Variants in MCM3 observed in about 807,000 individuals in gnomAD.
MCM3 encodes DNA replication licensing factor MCM3.
In MCM3, 59 loss-of-function variants were observed where a neutral mutation model predicts 91.3. The ratio of observed to expected loss-of-function variants is 0.65; its 90% CI spans 0.52 to 0.80. MCM3 has a LOEUF of 0.80. Among genes scored for constraint, MCM3 ranks in the 30% least tolerant of loss-of-function variants. The pLI is 0.00. For synonymous variants in MCM3, 383 were observed against 379.6 expected, an observed-to-expected ratio of 1.01 and a Z score of -0.10; for missense variants, 919 against 1,035.4, an observed-to-expected ratio of 0.89 and a Z score of 1.54.
chr6:52,268,702 CT>C (rs1425750496), intron 13 of MCM3, among the ~76,000 whole-genome samples: 2 of 152,052 alleles, frequency 1.3e-5, no homozygotes, highest in African/African-American at 2.4e-5. Context: ...TTTGAAGAGA[CT>C]ACCAAGAGGA....
At chr6:52,282,624 T>C in intron 3 of MCM3, 29 bp downstream of exon 3, 1 of 1,604,640 alleles carries the variant, frequency 6.2e-7, no homozygotes, top group Non-Finnish European at 8.5e-7. Context: ...TCTATTCATT[T>C]CCTAAGCGGC....
chr6:52,278,764 T>C lies in MCM3; in HGVS notation c.857A>G (p.Lys286Arg). The C allele has an allele frequency of 6.2e-7, 1 of 1,613,574 alleles. No individual in the cohort carries two copies. The highest frequency in any genetic ancestry group is 8.5e-7 in the Non-Finnish European group (1 of 1,179,666). The change falls in exon 6 of 17, where the codon AAG (lysine) becomes AGG (arginine). Residue 286 changes from lysine (K) to arginine (R), a missense_variant. Around this residue, in one of 3 missense-constraint regions of MCM3, gnomAD observed 401 missense variants for 402.7 expected, o/e 1.00. Transcript: ENST00000596288. ...FSAEDIAKIK[K>R]FSKTRSKDIF... ...GACCTTGGATCGGGTTTTACTGAAC[T>C]TCTTGATCTTGGCTATATCCTCAGC...
chr6:52,278,134 T>C (rs1473573951), intron 6 of MCM3, among the ~76,000 whole-genome samples: 2 of 150,826 alleles, frequency 1.3e-5, no homozygotes, highest in Non-Finnish European at 3.0e-5. Flanking sequence ...AGGTACATTG[T>C]TCCTAACTGC....
chr6:52,282,935 T>C, intron 2 of MCM3, 74 bp from the exon 3 acceptor site: 1 of 1,019,808 alleles, frequency 9.8e-7, no homozygotes, highest in Admixed American at 2.3e-5. Context: ...ACAGCAGACA[T>C]TCTTAGATCA....
intron 1 of MCM3, 60 bp from the exon 2 acceptor site, chr6:52,283,466 A>T: frequency 8.3e-7 from 1 of 1,211,894 alleles, no homozygotes; most frequent in Non-Finnish European, 1.2e-6. Context: ...GTTTCTAAAC[A>T]GAAGTAGTTC....
In MCM3 at chr6:52,278,783, C is replaced by T; in HGVS notation, c.838G>A (p.Asp280Asn). Residue 280 changes from aspartate to asparagine, a missense_variant, in exon 6 of 17, where the codon GAT (aspartate) becomes AAT (asparagine). By Grantham distance (23) the Asp-to-Asn change is conservative (BLOSUM62 1). This residue lies in a region of MCM3 where 401 missense variants were observed against 402.7 expected (regional missense o/e 1.00). Transcript: ENST00000596288. ...CTGAACTTCTTGATCTTGGCTATAT[C>T]CTCAGCAGAGAAAGAGGGCTGAGCA... ...KDAQPSFSAE[D>N]IAKIKKFSKT... 12 of 1,614,026 alleles carry T rather than the reference C, an allele frequency of 7.4e-6. No homozygotes were observed. The highest frequency in any genetic ancestry group is 1.0e-5 in the Non-Finnish European group (12 of 1,179,910).
intron 2 of MCM3, 64 bp downstream of exon 2, chr6:52,283,230 C>G: frequency 1.5e-6 from 2 of 1,348,210 alleles, no homozygotes; most frequent in Non-Finnish European, 1.1e-6. Flanking sequence ...GAGGCTGTTC[C>G]AATCTGGCCA....
intron 12 of MCM3, 124 bp from the exon 13 acceptor site, chr6:52,269,350 G>T: frequency 2.5e-6 from 2 of 811,056 alleles, no homozygotes; most frequent in Non-Finnish European, 3.9e-6. Flanking sequence ...AGAATTCAGA[G>T]TTCTGTGTTC....
At position 52,284,737 on chromosome 6, in the gene MCM3, C is replaced by T. The variant is rs1313336720; in HGVS notation, c.-63G>A. ...GGAGGTTCCCAGGATGACTCCACCC[C>T]GGCGCGAAAACTTCCGAACTCTTCC... is the stretch of plus-strand genomic sequence containing the variant. On this transcript the variant is annotated 5_prime_UTR_variant, in exon 1 of 17. Transcript: ENST00000596288. 3.9e-6 allele frequency: 6 copies of T among 1,553,372 alleles called. No homozygotes were observed. Among genetic ancestry groups the T allele is most frequent in the Admixed American group, 4.0e-5 (2 of 50,506 alleles).
chr6:52,274,017 C>T (rs1765360751), intron 9 of MCM3, 101 bp from the exon 10 acceptor site: 8 of 866,768 alleles, frequency 9.2e-6, no homozygotes, highest in Middle Eastern at 2.6e-4. Context: ...GGCTTGACCT[C>T]AAAGAGCAAA....
intron 4 of MCM3, 58 bp from the exon 5 acceptor site, chr6:52,279,657 A>C: frequency 7.9e-7 from 1 of 1,264,224 alleles, no homozygotes; most frequent in East Asian, 2.3e-5. Flanking sequence ...AAAATGCCAC[A>C]CTCACCTGTC....
chr6:52,273,881 C>A lies in MCM3; in HGVS notation c.1410G>T (p.Gly470=). 2 of 1,613,932 alleles carry A rather than the reference C, an allele frequency of 1.2e-6. No individual in the cohort carries two copies. The highest frequency in any genetic ancestry group is 1.7e-6 in the Non-Finnish European group (2 of 1,179,916). The stretch of plus-strand genomic sequence containing the variant: ...ATCGTGACAGCAGTGAGTCCTGTAG[C>A]CCAATGTTCTCCATTGGAGTCTTAT... The part of the protein sequence containing the change: ...DQYKTPMENI[G]LQDSLLSRFD... Residue 470 remains glycine, a synonymous_variant, in exon 10 of 17, where the codon GGG becomes GGT. Transcript: ENST00000596288.
Position 52,267,824 on chromosome 6 carries a change from G to A in MCM3, c.2072+41C>T, listed in dbSNP as rs1483414085. 6.3e-6 allele frequency: 5 copies of A among 788,550 alleles called. No homozygotes were observed. In the East Asian group the frequency reaches 1.3e-4, roughly 21 times the overall value. 48.8% of individuals were successfully genotyped at this position (788,550 alleles called of 1,614,324 possible). On this transcript the variant is annotated intron_variant, in intron 14 of 16. Coordinates refer to ENST00000596288, the MANE Select transcript of MCM3 (RefSeq NM_002388.6). ...TACAGGCGTGCACCCCCAACTTCTT[G>A]GCCACTAACTTTTTAATCTCATTTG...
intron 4 of MCM3, 146 bp downstream of exon 4, chr6:52,281,899 G>A: frequency 1.5e-6 from 1 of 645,456 alleles, no homozygotes; most frequent in Non-Finnish European, 2.4e-6. Flanking sequence ...TTAAACTCTG[G>A]CCTGCAATCA....
chr6:52,276,980 G>C (rs1001959010), intron 8 of MCM3, 87 bp downstream of exon 8: 1 of 1,493,514 alleles, frequency 6.7e-7, no homozygotes, highest in African/African-American at 1.4e-5. Flanking sequence ...CCTATCAGCT[G>C]TATCTTCAGA....
In MCM3 at chr6:52,279,474, G is replaced by C. The variant is rs770359099; in HGVS notation, c.657C>G (p.Val219=). 12 of 1,614,042 alleles carry C rather than the reference G, an allele frequency of 7.4e-6. No individual in the cohort carries two copies. The Admixed American group carries it at 2.0e-4, about 27-fold the overall frequency. ...TATCCACCAAGTCATCATCCAGAAT[G>C]ACGTCCACAGAGCGGGGGAGCTGGC... ...PAGQLPRSVD[V]ILDDDLVDKA... Residue 219 remains valine (V), a synonymous_variant, in exon 5 of 17, where the codon GTC becomes GTG. Transcript: ENST00000596288.
At chr6:52,269,633 A>G (rs776756997) in intron 12 of MCM3, among the ~76,000 whole-genome samples, 1 of 152,208 alleles carries the variant, frequency 6.6e-6, no homozygotes, top group Non-Finnish European at 1.5e-5. Context: ...AATGGGACTC[A>G]AAGACCTTCA....
chr6:52,270,229 T>C (rs1168459915), intron 12 of MCM3, among the ~76,000 whole-genome samples: 1 of 149,448 alleles, frequency 6.7e-6, no homozygotes, highest in Non-Finnish European at 1.5e-5. Context: ...CTCAGGAGGC[T>C]GAGGCAGGAG....
At position 52,264,797 on chromosome 6, in the gene MCM3, C is replaced by A; in HGVS notation, c.2229-11G>T. ...TTGAATGCCTTCAACCTGCCCCAGA[C>A]AGAAGAAAGGGGGAAGAGGAGTAAA... On this transcript the variant is annotated splice_polypyrimidine_tract_variant and intron_variant, in intron 16 of 16. Coordinates refer to ENST00000596288, the MANE Select transcript of MCM3 (RefSeq NM_002388.6). The A allele has an allele frequency of 6.2e-7, 1 of 1,613,048 alleles. No individual in the cohort carries two copies. The highest frequency in any genetic ancestry group is 8.5e-7 in the Non-Finnish European group (1 of 1,179,702).
Sources: allele counts gnomAD v4.1 joint callset (sites outside exome capture counted in the v4.1 genomes callset), GRCh38; gene constraint gnomAD v4.1.1; regional missense constraint gnomAD v4.1.1; transcripts MANE v1.5; gene names NCBI Gene and HGNC (gene_info 2026-07-23, HGNC 2026-07-21).